SLCO3A1: variants seen among roughly 807,000 people sequenced by gnomAD.
The protein encoded by SLCO3A1 is PGE1 transporter.
A neutral mutation model predicts 63.1 loss-of-function variants in SLCO3A1; 27 were observed. The observed-to-expected ratio is 0.43, with a 90% CI of 0.32 to 0.59. The LOEUF (loss-of-function observed/expected upper bound fraction) is 0.59. Ranked by LOEUF, SLCO3A1 falls within the 20% of genes least tolerant of loss-of-function variation. The pLI is 0.09. For synonymous variants in SLCO3A1, 473 were observed against 409.9 expected (o/e 1.15, Z -1.86); for missense variants, 773 against 945.8 (o/e 0.82, Z 2.40).
In SLCO3A1 at chr15:91,894,930, C is replaced by G. The variant is rs1024045454; in HGVS notation, c.181-21063C>G. ...AAGAATCAAGGTTGAGTCTGTTGTTCCTAATCCATACCTGCATCCTGGACT... is the reference window on the plus strand; with the variant it reads ...AAGAATCAAGGTTGAGTCTGTTGTTGCTAATCCATACCTGCATCCTGGACT... On this transcript the variant is annotated intron_variant, in intron 1 of 9. Transcript: ENST00000318445. This position sits in a 1 kb window ranked among gnomAD's most constrained non-coding sequence, Gnocchi z 4.8. 1.3e-5 allele frequency among the ~76,000 whole-genome samples: 2 copies of G among 152,178 alleles called. No homozygotes were observed. The highest frequency in any genetic ancestry group is 2.1e-4 in the South Asian group (1 of 4,832).
intron 7 of SLCO3A1, among the ~76,000 whole-genome samples, chr15:92,144,397 T>TA (rs1229340966): frequency 1.3e-5 from 2 of 152,102 alleles, no homozygotes; most frequent in African/African-American, 4.8e-5. Context: ...TAAAGCACCT[T>TA]AAAAAAGAGT....
chr15:92,060,380 C>T (rs879442073), intron 2 of SLCO3A1, among the ~76,000 whole-genome samples: 12 of 152,032 alleles, frequency 7.9e-5, no homozygotes, highest in South Asian at 2.1e-4. Context: ...GCCAACATCG[C>T]GAAACCCTGT....
At chr15:92,055,940 A>T (rs1039645819) in intron 2 of SLCO3A1, among the ~76,000 whole-genome samples, 1 of 152,100 alleles carries the variant, frequency 6.6e-6, no homozygotes, top group Non-Finnish European at 1.5e-5. Context: ...TATTTTTTAG[A>T]ATCCACAAAC....
chr15:91,997,613 A>G (rs1288748033), intron 2 of SLCO3A1, among the ~76,000 whole-genome samples: 2 of 152,228 alleles, frequency 1.3e-5, no homozygotes, highest in African/African-American at 2.4e-5. Context: ...AAACTATGCT[A>G]TAAAGACATA....
At chr15:92,080,353 C>T (rs527411917) in intron 2 of SLCO3A1, among the ~76,000 whole-genome samples, 3 of 151,138 alleles carry the variant, frequency 2.0e-5, no homozygotes, top group South Asian at 2.1e-4. Context: ...CTGCTTTTCC[C>T]GAGCCTACAA....
chr15:91,931,551 ACCTCTG>A (rs1899229504), intron 2 of SLCO3A1, among the ~76,000 whole-genome samples: 3 of 151,328 alleles, frequency 2.0e-5, no homozygotes. Flanking sequence ...GCTCACTGCA[ACCTCTG>A]CCTCCCTGGT....
At chr15:91,925,514 C>T (rs1343036334) in intron 2 of SLCO3A1, among the ~76,000 whole-genome samples, 1 of 151,168 alleles carries the variant, frequency 6.6e-6, no homozygotes, top group Admixed American at 6.6e-5. Flanking sequence ...CTACCTCTCC[C>T]ATCTTAGGTG....
intron 1 of SLCO3A1, among the ~76,000 whole-genome samples, chr15:91,881,310 C>T (rs2151345901): frequency 6.6e-6 from 1 of 150,828 alleles, no homozygotes; most frequent in Admixed American, 6.6e-5. Context: ...TTTAAATGCT[C>T]GGGGATTTTC....
chr15:92,093,410 G>C (rs543730456), intron 2 of SLCO3A1, among the ~76,000 whole-genome samples: 7 of 152,112 alleles, frequency 4.6e-5, no homozygotes, highest in Non-Finnish European at 8.8e-5. Context: ...CCAAGGGGGC[G>C]GTGCTGAGCC....
At chr15:92,120,764 G>A in intron 5 of SLCO3A1, 135 bp downstream of exon 5, 1 of 696,218 alleles carries the variant, frequency 1.4e-6, no homozygotes, top group Non-Finnish European at 2.4e-6. Context: ...TGTGGCCTCT[G>A]TGCACAAGGA....
chr15:91,972,025 A>G (rs557324107), intron 2 of SLCO3A1, among the ~76,000 whole-genome samples: 50 of 152,242 alleles, frequency 3.3e-4, no homozygotes, highest in African/African-American at 1.2e-3. Context: ...TCAAAAAACT[A>G]AGGATTTTGG....
At chr15:92,042,090 G>A (rs1490155236) in intron 2 of SLCO3A1, among the ~76,000 whole-genome samples, 2 of 152,156 alleles carry the variant, frequency 1.3e-5, no homozygotes, top group African/African-American at 4.8e-5. Context: ...GTTCTTTAAT[G>A]GCGCTCTCTG....
chr15:92,071,151 A>G (rs936651882), intron 2 of SLCO3A1, among the ~76,000 whole-genome samples: 5 of 152,208 alleles, frequency 3.3e-5, no homozygotes, highest in African/African-American at 1.2e-4. Context: ...CTAGAGAGTG[A>G]GCAGGAACTT....
intron 2 of SLCO3A1, among the ~76,000 whole-genome samples, chr15:91,995,518 A>G (rs919164536): frequency 1.3e-5 from 2 of 152,224 alleles, no homozygotes; most frequent in Non-Finnish European, 2.9e-5. Flanking sequence ...AAACTTAGTG[A>G]TAACTTTGGA....
rs1401831138 is a variant in SLCO3A1 at position 91,897,256 on chromosome 15, C to T, written c.181-18737C>T. ...GATCAGGAGTTCAAGACCAGCCTGG[C>T]CAACATGGTGGCCAGTTTAGTAGAG... On this transcript the variant is annotated intron_variant, in intron 1 of 9. Coordinates refer to ENST00000318445, the MANE Select transcript of SLCO3A1 (RefSeq NM_013272.4). This position sits in a 1 kb window ranked among gnomAD's most constrained non-coding sequence, Gnocchi z 4.7. Among the ~76,000 whole-genome samples, 1 of 152,066 alleles carries T rather than the reference C, an allele frequency of 6.6e-6. No individual in the cohort carries two copies. Among genetic ancestry groups the T allele is most frequent in the African/African-American group, 2.4e-5 (1 of 41,390 alleles).
rs901355164 is a variant in SLCO3A1, at chr15:91,875,923, A to G, written c.180+21835A>G. Among the ~76,000 whole-genome samples the G allele has an allele frequency of 3.3e-5, 5 of 152,198 alleles. No homozygotes were observed. Among genetic ancestry groups the G allele is most frequent in the African/African-American group, 9.6e-5 (4 of 41,458 alleles). ...GCCTGCAAAGCCTAAAATAGCTGCT[A>G]TCTGGCCTTTACAGAAAAGGTTTGC... On this transcript the variant is annotated intron_variant, in intron 1 of 9. Coordinates refer to ENST00000318445, the MANE Select transcript of SLCO3A1 (RefSeq NM_013272.4). This position sits in a 1 kb window ranked among gnomAD's most constrained non-coding sequence, Gnocchi z 4.5.
intron 1 of SLCO3A1, among the ~76,000 whole-genome samples, chr15:91,868,380 A>G (rs532365975): frequency 6.7e-6 from 1 of 148,238 alleles, no homozygotes; most frequent in Admixed American, 6.7e-5. Flanking sequence ...TTTTTAATAT[A>G]AAGACTTTAC....
intron 2 of SLCO3A1, among the ~76,000 whole-genome samples, chr15:92,086,750 T>C (rs2047409248): frequency 6.6e-6 from 1 of 151,988 alleles, no homozygotes; most frequent in South Asian, 2.1e-4. Context: ...CCAAGGTGGG[T>C]GGATCACCTG....
chr15:91,931,351 T>A (rs1194600553), intron 2 of SLCO3A1, among the ~76,000 whole-genome samples: 1 of 152,176 alleles, frequency 6.6e-6, no homozygotes, highest in Non-Finnish European at 1.5e-5. Flanking sequence ...GATGAAGCAT[T>A]TTCAGAATTT....
Sources: allele counts gnomAD v4.1 joint callset (sites outside exome capture counted in the v4.1 genomes callset), GRCh38; gene constraint gnomAD v4.1.1; non-coding constraint Gnocchi (gnomAD v3.1); transcripts MANE v1.5; gene names NCBI Gene and HGNC (gene_info 2026-07-23, HGNC 2026-07-21).